HHAT: variants seen among roughly 807,000 people sequenced by gnomAD.
The protein encoded by HHAT is protein-cysteine N-palmitoyltransferase HHAT.
HHAT carries 47 observed loss-of-function variants against 70.8 expected under a neutral mutation model. The observed-to-expected ratio is 0.66, with a 90% confidence interval of 0.53 to 0.85. The LOEUF (loss-of-function observed/expected upper bound fraction) is 0.85. Ranked by LOEUF, HHAT falls within the 40% of genes least tolerant of loss-of-function variation. HHAT has a pLI of 0.00. For synonymous variants in HHAT, 228 were observed against 247.6 expected (o/e 0.92, Z 0.74); for missense variants, 609 against 604.8 (o/e 1.01, Z -0.07).
intron 8 of HHAT, among the ~76,000 whole-genome samples, chr1:210,506,855 G>A (rs905309133): frequency 3.3e-5 from 5 of 152,106 alleles, no homozygotes; most frequent in African/African-American, 4.8e-5. Flanking sequence ...ATTGCTTTCC[G>A]GAAGGCTCTG....
intron 9 of HHAT, among the ~76,000 whole-genome samples, chr1:210,533,593 A>G (rs1306542478): frequency 6.6e-6 from 1 of 152,124 alleles, no homozygotes; most frequent in Admixed American, 6.5e-5. Context: ...TCTCCATCCT[A>G]TCCTTGATGC....
intron 9 of HHAT, among the ~76,000 whole-genome samples, chr1:210,569,547 C>G (rs1198816039): frequency 6.6e-6 from 1 of 151,734 alleles, no homozygotes; most frequent in Non-Finnish European, 1.5e-5. Context: ...AATTTGTCAA[C>G]TTTTAGGATT....
intron 7 of HHAT, among the ~76,000 whole-genome samples, chr1:210,430,901 T>C (rs1217398191): frequency 1.3e-5 from 2 of 152,048 alleles, no homozygotes; most frequent in Admixed American, 1.3e-4. Flanking sequence ...TTTCCTTGCA[T>C]ATTCTTTCAA....
chr1:210,512,670 CA>C (rs34037290), intron 8 of HHAT, among the ~76,000 whole-genome samples: 45,391 of 96,698 alleles, frequency 0.47, 8,382 homozygotes, highest in South Asian at 0.59. Flanking sequence ...GACCTTGTCT[CA>C]AAAAAAAAAA....
intron 5 of HHAT, among the ~76,000 whole-genome samples, chr1:210,401,136 C>T (rs77568767): frequency 0.027 from 4,108 of 152,230 alleles, 190 homozygotes; most frequent in African/African-American, 0.088. Flanking sequence ...TTTGTAGAGA[C>T]GGAGTCTTGC....
At chr1:210,654,063 G>A (rs76987466) in intron 11 of HHAT, among the ~76,000 whole-genome samples, 6 of 260 alleles carry the variant, frequency 0.023, no homozygotes, top group South Asian at 0.17. Flanking sequence ...ATAGTGTGAC[G>A]GTGGAATAGT....
intron 3 of HHAT, among the ~76,000 whole-genome samples, chr1:210,379,261 AT>A (rs1451514413): frequency 1.9e-3 from 290 of 152,342 alleles, no homozygotes; most frequent in Middle Eastern, 0.01. Context: ...CTCACAGACC[AT>A]ACATTGTTTC....
At chr1:210,436,517 T>G (rs2093379502) in intron 7 of HHAT, among the ~76,000 whole-genome samples, 1 of 151,750 alleles carries the variant, frequency 6.6e-6, no homozygotes, top group Admixed American at 6.6e-5. Context: ...CATTGGTATT[T>G]TGATGGGGAT....
chr1:210,616,130 G>A (rs889024878), intron 10 of HHAT, among the ~76,000 whole-genome samples: 2 of 152,164 alleles, frequency 1.3e-5, no homozygotes, highest in African/African-American at 4.8e-5. Context: ...GTGTATACCT[G>A]TGGAATGGCT....
chr1:210,465,359 G>A lies in HHAT; in HGVS notation c.1007+704G>A, dbSNP rs552563447. 3.9e-5 allele frequency among the ~76,000 whole-genome samples: 6 copies of A among 152,162 alleles called. No individual in the cohort carries two copies. The East Asian group carries it at 5.8e-4, about 15-fold the overall frequency. On this transcript the variant is annotated intron_variant, in intron 8 of 11. Coordinates refer to ENST00000261458, the MANE Select transcript of HHAT (RefSeq NM_018194.6). ...GCCATTTCAGATTGTTGTTTTCTAC[G>A]TGATGGACTTGTTGCTGTGTTCCTC...
intron 8 of HHAT, among the ~76,000 whole-genome samples, chr1:210,505,400 G>T (rs975425010): frequency 1.1e-4 from 16 of 152,156 alleles, no homozygotes; most frequent in Admixed American, 3.3e-4. Context: ...CAAAAAGCTG[G>T]GGTCTAGGGG....
chr1:210,583,991 T>A (rs1659857231), intron 9 of HHAT, among the ~76,000 whole-genome samples: 1 of 146,114 alleles, frequency 6.8e-6, no homozygotes, highest in South Asian at 2.2e-4. Flanking sequence ...CTCACTCTGT[T>A]GCCCAGGCTG....
At chr1:210,361,826 G>A (rs2088351646) in intron 2 of HHAT, among the ~76,000 whole-genome samples, 1 of 152,090 alleles carries the variant, frequency 6.6e-6, no homozygotes, top group South Asian at 2.1e-4. Context: ...CCAGCTTAGA[G>A]CATTCCTTTG....
chr1:210,429,363 C>G (rs537483372), intron 7 of HHAT, among the ~76,000 whole-genome samples: 2 of 151,710 alleles, frequency 1.3e-5, no homozygotes, highest in African/African-American at 4.9e-5. Context: ...CAGCCAAATG[C>G]GTCATTTGGT....
chr1:210,505,087 C>T (rs1572897924), intron 8 of HHAT, among the ~76,000 whole-genome samples: 2 of 151,856 alleles, frequency 1.3e-5, no homozygotes, highest in African/African-American at 2.4e-5. Flanking sequence ...TTAGTAGAGA[C>T]GGGGTTTCAC....
chr1:210,522,057 C>G (rs1161265709), intron 9 of HHAT, among the ~76,000 whole-genome samples: 7 of 152,160 alleles, frequency 4.6e-5, no homozygotes, highest in Non-Finnish European at 1.0e-4. Context: ...GGATTTTAAA[C>G]TTTGTATTTT....
intron 9 of HHAT, among the ~76,000 whole-genome samples, chr1:210,537,539 C>T (rs761339101): frequency 6.6e-6 from 1 of 152,164 alleles, no homozygotes; most frequent in Non-Finnish European, 1.5e-5. Flanking sequence ...TTTCTGTGTT[C>T]CGTCTTCCGT....
chr1:210,343,556 G>A (rs1374120096), intron 1 of HHAT, among the ~76,000 whole-genome samples: 4 of 152,306 alleles, frequency 2.6e-5, no homozygotes, highest in African/African-American at 7.2e-5. Flanking sequence ...GTGGTGTTTC[G>A]AGGTGGCATT....
At position 210,401,072 on chromosome 1, in the gene HHAT, G is replaced by A. The variant is rs144669122; in HGVS notation, c.468+410G>A. Reference sequence around the variant, plus strand: ...CTGATGGCCACAATGGCCCTGTGGTGGTAAGTCAGGTCTTTTTCTTCTTCC... The same window carrying A: ...CTGATGGCCACAATGGCCCTGTGGTAGTAAGTCAGGTCTTTTTCTTCTTCC... On this transcript the variant is annotated intron_variant, in intron 5 of 11. Coordinates refer to ENST00000261458, the MANE Select transcript of HHAT (RefSeq NM_018194.6). 4.7e-3 allele frequency among the ~76,000 whole-genome samples: 714 copies of A among 152,300 alleles called. 4 individuals are homozygous for A. The highest frequency in any genetic ancestry group is 0.016 in the African/African-American group (674 of 41,568).
Sources: allele counts gnomAD v4.1 joint callset (sites outside exome capture counted in the v4.1 genomes callset), GRCh38; gene constraint gnomAD v4.1.1; transcripts MANE v1.5; gene names NCBI Gene and HGNC (gene_info 2026-07-23, HGNC 2026-07-21).